Variants in VTCN1 observed in about 807,000 individuals in gnomAD.
The protein encoded by VTCN1 is V-set domain-containing T-cell activation inhibitor 1.
Under a neutral mutation model 26.5 loss-of-function variants are expected in VTCN1, and 26 were observed. The observed-to-expected ratio is 0.98, with a 90% CI of 0.72 to 1.36. The LOEUF is 1.36. VTCN1 is among the 40% of genes most tolerant of loss of function. VTCN1 has a pLI of 0.00. For missense variants in VTCN1, 298 were observed against 337.7 expected (o/e 0.88, Z 0.92); for synonymous variants, 116 against 130.7 (o/e 0.89, Z 0.77).
intron 1 of VTCN1, chr1:117,172,387 C>T (rs536817929): frequency 7.3e-5 from 38 of 518,644 alleles, no homozygotes; most frequent in Non-Finnish European, 1.2e-4. Flanking sequence ...CCATATTTGG[C>T]CACTGCTCCT....
At chr1:117,166,527 G>A in intron 2 of VTCN1, among the ~76,000 whole-genome samples, 2 of 151,812 alleles carry the variant, frequency 1.3e-5, no homozygotes, top group East Asian at 3.9e-4. Flanking sequence ...GGCCGAGGCG[G>A]GTGGATCACA....
At chr1:117,170,736 A>T (rs780564714) in intron 1 of VTCN1, among the ~76,000 whole-genome samples, 8 of 152,254 alleles carry the variant, frequency 5.3e-5, no homozygotes, top group African/African-American at 9.6e-5. Context: ...TATTTACTAC[A>T]GAAAGTTTAG....
chr1:117,165,138 T>A (rs962925740), intron 2 of VTCN1, among the ~76,000 whole-genome samples: 1 of 152,168 alleles, frequency 6.6e-6, no homozygotes, highest in Non-Finnish European at 1.5e-5. Flanking sequence ...TGGTATGGGG[T>A]GATGGGTAGG....
Position 117,147,775 on chromosome 1 carries a change from C to G in VTCN1, c.732G>C (p.Glu244Asp). 6.2e-7 allele frequency: 1 copy of G among 1,613,406 alleles called. No homozygotes were observed. Among genetic ancestry groups the G allele is most frequent in the Non-Finnish European group, 8.5e-7 (1 of 1,179,748 alleles). Residue 244 changes from glutamate (E) to aspartate (D), a missense_variant, in exon 5 of 6, where the codon GAG (glutamate) becomes GAC (aspartate). Physicochemically the swap from Glu to Asp is conservative, Grantham distance 45. Transcript: ENST00000369458. The surrounding 1 kb of genome is among the most constrained non-coding windows in gnomAD (Gnocchi z 4.6). ...GCTGTAGGTGACTCCGCCTTTTGATCTCCGATTCTGTGAAGTGAGAGAAAA... is the reference window on the plus strand; with the variant it reads ...GCTGTAGGTGACTCCGCCTTTTGATGTCCGATTCTGTGAAGTGAGAGAAAA... Reference protein sequence around the residue: ...ATGDIKVTESEIKRRSHLQLL... With the variant: ...ATGDIKVTESDIKRRSHLQLL...
chr1:117,190,658 C>T (rs1216154369), intron 1 of VTCN1, among the ~76,000 whole-genome samples: 2 of 152,196 alleles, frequency 1.3e-5, no homozygotes, highest in Non-Finnish European at 2.9e-5. Context: ...GTAATGGGCC[C>T]ACCAACAGTG....
intron 1 of VTCN1, among the ~76,000 whole-genome samples, chr1:117,205,845 T>C (rs1423612987): frequency 5.3e-5 from 8 of 152,150 alleles, no homozygotes; most frequent in Admixed American, 5.2e-4. Flanking sequence ...TGAGACAGTT[T>C]AGCTAGTTAA....
chr1:117,207,147 G>A lies in VTCN1; in HGVS notation c.32+3677C>T, dbSNP rs115254893. Among the ~76,000 whole-genome samples, 390 of 152,246 alleles carry A rather than the reference G, an allele frequency of 2.6e-3. 1 individual carries two copies. Among genetic ancestry groups the A allele is most frequent in the African/African-American group, 8.9e-3 (368 of 41,548 alleles). Reference sequence around the variant, plus strand: ...CAGCTTGCAAACTTAGGAGAAATGGGAAACCAAAATTCCAAAGCAAACTCC... The same window carrying A: ...CAGCTTGCAAACTTAGGAGAAATGGAAAACCAAAATTCCAAAGCAAACTCC... On this transcript the variant is annotated intron_variant, in intron 1 of 5. Transcript: ENST00000369458.
rs373154502 is a variant in VTCN1, at chr1:117,201,823, T to C, written c.32+9001A>G. On this transcript the variant is annotated intron_variant, in intron 1 of 5. Coordinates refer to ENST00000369458, the MANE Select transcript of VTCN1 (RefSeq NM_024626.4). ...TTCCCATCAAATCTGGCTGCTTCTC[T>C]CTTGGCTGCAGAGAATCATTAATAT... is the stretch of plus-strand genomic sequence containing the variant. Among the ~76,000 whole-genome samples, 16 of 152,366 alleles carry C rather than the reference T, an allele frequency of 1.1e-4. No individual in the cohort carries two copies. In the South Asian group the frequency reaches 3.3e-3, roughly 32 times the overall value.
At chr1:117,181,181 C>G (rs1647653604) in intron 1 of VTCN1, among the ~76,000 whole-genome samples, 1 of 151,468 alleles carries the variant, frequency 6.6e-6, no homozygotes, top group Non-Finnish European at 1.5e-5. Flanking sequence ...CTTTGGGAGG[C>G]CAAGGTGGGA....
chr1:117,192,995 C>T (rs1570983453), intron 1 of VTCN1, among the ~76,000 whole-genome samples: 1 of 152,076 alleles, frequency 6.6e-6, no homozygotes, highest in East Asian at 1.9e-4. Context: ...AAAATAACAA[C>T]ACAGCAATAA....
intron 1 of VTCN1, among the ~76,000 whole-genome samples, chr1:117,194,776 A>G (rs1438895505): frequency 6.6e-6 from 1 of 152,250 alleles, no homozygotes; most frequent in Non-Finnish European, 1.5e-5. Flanking sequence ...CCACAAAAAG[A>G]CAAATACTAT....
Position 117,203,441 on chromosome 1 carries a change from T to C in VTCN1, c.32+7383A>G, listed in dbSNP as rs1052045105. On this transcript the variant is annotated intron_variant, in intron 1 of 5. Transcript: ENST00000369458. The stretch of plus-strand genomic sequence containing the variant: ...GGTTTTTATCTATGAAATTTTTCAT[T>C]TTAAATTGCAGAAAAAGAAAGAGGA... 4.6e-5 allele frequency among the ~76,000 whole-genome samples: 7 copies of C among 152,110 alleles called. No homozygotes were observed. The East Asian group carries it at 7.7e-4, about 17-fold the overall frequency.
At chr1:117,166,720 G>A (rs566113297) in intron 2 of VTCN1, among the ~76,000 whole-genome samples, 26 of 150,278 alleles carry the variant, frequency 1.7e-4, no homozygotes, top group African/African-American at 6.1e-4. Context: ...GTACCAAAAT[G>A]TACTTTAGCA....
Position 117,191,929 on chromosome 1 carries a change from T to A in VTCN1, c.32+18895A>T, listed in dbSNP as rs113740968. ...TATGATCATGCCACTGAACTCCTGT[T>A]CTCCAGCTTGGGCAACCAAGCAAGA... is the stretch of plus-strand genomic sequence containing the variant. On this transcript the variant is annotated intron_variant, in intron 1 of 5. Transcript: ENST00000369458. Among the ~76,000 whole-genome samples, 1,217 of 152,018 alleles carry A rather than the reference T, an allele frequency of 8.0e-3. 18 individuals carry two copies. Among genetic ancestry groups the A allele is most frequent in the African/African-American group, 0.028 (1,156 of 41,446 alleles).
intron 1 of VTCN1, among the ~76,000 whole-genome samples, chr1:117,194,783 C>T (rs562615671): frequency 3.9e-5 from 6 of 152,316 alleles, no homozygotes; most frequent in African/African-American, 1.4e-4. Context: ...AAGACAAATA[C>T]TATATCATCT....
chr1:117,157,092 G>GATATATATATATATAT lies in VTCN1; in HGVS notation c.98-187_98-172dup, dbSNP rs145887761. The GATATATATATATATAT allele has an allele frequency of 1.1e-3, 600 of 561,402 alleles. 9 individuals carry two copies. Among genetic ancestry groups the GATATATATATATATAT allele is most frequent in the African/African-American group, 0.01 (406 of 39,802 alleles). The allele number at this position is 561,402 out of a possible 1,614,324, so 34.8% of individuals were successfully genotyped here. ...GAAAGAGCAGGAAGACAATCATTTTGATATATATATATATATATATATAGC... is the reference window on the plus strand; with the variant it reads ...GAAAGAGCAGGAAGACAATCATTTTGATATATATATATATATATATATATATATATATATATATAGC... On this transcript the variant is annotated intron_variant, in intron 2 of 5. Transcript: ENST00000369458.
chr1:117,161,956 A>C lies in VTCN1; in HGVS notation c.98-5035T>G, dbSNP rs1397638967. The stretch of plus-strand genomic sequence containing the variant: ...TGGTAATGACATACCTTAGTTCAGC[A>C]ACTGTATTACTGAATTAATTTTAAT... On this transcript the variant is annotated intron_variant, in intron 2 of 5. Transcript: ENST00000369458. The surrounding 1 kb of genome is among the most constrained non-coding windows in gnomAD (Gnocchi z 4.3). 6.6e-6 allele frequency among the ~76,000 whole-genome samples: 1 copy of C among 152,212 alleles called. No individual in the cohort carries two copies. Among genetic ancestry groups the C allele is most frequent in the African/African-American group, 2.4e-5 (1 of 41,450 alleles).
rs1199988503 is a variant in VTCN1, at chr1:117,175,267, C to G, written c.33-5096G>C. On this transcript the variant is annotated intron_variant, in intron 1 of 5. Coordinates refer to ENST00000369458, the MANE Select transcript of VTCN1 (RefSeq NM_024626.4). This position sits in a 1 kb window ranked among gnomAD's most constrained non-coding sequence, Gnocchi z 4.2. ...ATTAGTCTACTAACAGAAACAATAA[C>G]TAGTACCTCGGGAGATAACTTAGAC... Among the ~76,000 whole-genome samples the G allele has an allele frequency of 6.6e-6, 1 of 152,222 alleles. No individual in the cohort carries two copies. Among genetic ancestry groups the G allele is most frequent in the African/African-American group, 2.4e-5 (1 of 41,454 alleles).
rs1429198947 is a variant in VTCN1, at chr1:117,169,776, T to G, written c.97+331A>C. Among the ~76,000 whole-genome samples, 1 of 152,066 alleles carries G rather than the reference T, an allele frequency of 6.6e-6. No homozygotes were observed. The highest frequency in any genetic ancestry group is 1.5e-5 in the Non-Finnish European group (1 of 68,000). ...GGCATGGTGGTGCACATGCCTGTAG[T>G]CCTAGCTACTTGGGAGGCTGAGGTG... On this transcript the variant is annotated intron_variant, in intron 2 of 5. Coordinates refer to ENST00000369458, the MANE Select transcript of VTCN1 (RefSeq NM_024626.4). This position sits in a 1 kb window ranked among gnomAD's most constrained non-coding sequence, Gnocchi z 4.0.
Sources: gnomAD v4.1 joint callset for allele counts (sites outside exome capture counted in the v4.1 genomes callset) on GRCh38, gnomAD v4.1.1 for gene constraint, Gnocchi (gnomAD v3.1) non-coding constraint, MANE v1.5 for transcripts, NCBI Gene and HGNC (gene_info 2026-07-23, HGNC 2026-07-21) for gene names.